Variants in LETM1 observed in about 807,000 individuals in gnomAD.
The protein encoded by LETM1 is leucine zipper and EF-hand containing transmembrane protein 1.
Under a neutral mutation model 74.5 loss-of-function variants are expected in LETM1, and 50 were observed. The ratio of observed to expected loss-of-function variants is 0.67; its 90% CI spans 0.53 to 0.85. The LOEUF (loss-of-function observed/expected upper bound fraction) is 0.85, where lower values mean the gene tolerates loss of function less well. Ranked by LOEUF, LETM1 falls within the 40% of genes least tolerant of loss-of-function variation. The pLI is 0.00. For missense variants in LETM1, 824 were observed against 967.8 expected (o/e 0.85, Z 1.97); for synonymous variants, 446 against 407.1 (o/e 1.10, Z -1.15).
chr4:1,836,710 T>C lies in LETM1; in HGVS notation c.595-138A>G, dbSNP rs747211333. On this transcript the variant is annotated intron_variant, in intron 3 of 13. Transcript: ENST00000302787. This position sits in a 1 kb window ranked among gnomAD's most constrained non-coding sequence, Gnocchi z 5.8. ...ACAGGACCCACTGAGGACTCTAAGT[T>C]CCAGAACCACTTAGCAGACCATTCC... The C allele has an allele frequency of 2.2e-5, 19 of 879,770 alleles. No homozygotes were observed. The highest frequency in any genetic ancestry group is 2.3e-4 in the Middle Eastern group (1 of 4,310). 54.5% of individuals were successfully genotyped at this position (879,770 alleles called of 1,614,324 possible).
At chr4:1,846,075 T>G (rs1210859633) in intron 2 of LETM1, among the ~76,000 whole-genome samples, 1 of 152,190 alleles carries the variant, frequency 6.6e-6, no homozygotes, top group African/African-American at 2.4e-5. Context: ...CAGGCTGGTC[T>G]TGAACTTCTG....
Position 1,814,290 on chromosome 4 carries a change from TG to T in LETM1, c.*133del. The stretch of plus-strand genomic sequence containing the variant: ...GGAATGATGAAAATTAAAATTTACT[TG>T]ATTATGGAAGTCTCTGATTTATTCC... On this transcript the variant is annotated 3_prime_UTR_variant, in exon 14 of 14. Transcript: ENST00000302787. 7.4e-7 allele frequency: 1 copy of T among 1,344,374 alleles called. No homozygotes were observed. Among genetic ancestry groups the T allele is most frequent in the Non-Finnish European group, 1.0e-6 (1 of 972,556 alleles). 83.3% of individuals were successfully genotyped at this position (1,344,374 alleles called of 1,614,324 possible). A position where few individuals can be genotyped will look rare whatever the true frequency, so the allele number is the denominator to read the frequency against.
Position 1,832,949 on chromosome 4 carries a change from T to C in LETM1, c.877-2A>G. The C allele has an allele frequency of 6.2e-7, 1 of 1,612,108 alleles. No homozygotes were observed. The highest frequency in any genetic ancestry group is 8.5e-7 in the Non-Finnish European group (1 of 1,179,896). ...GGGCCTCTCCCCTGTTTCCCGGATCTGCGGAAGTGGTCACAAGGGTCATCC... is the reference window on the plus strand; with the variant it reads ...GGGCCTCTCCCCTGTTTCCCGGATCCGCGGAAGTGGTCACAAGGGTCATCC... On this transcript the variant is annotated splice_acceptor_variant, in intron 5 of 13. Coordinates refer to ENST00000302787, the MANE Select transcript of LETM1 (RefSeq NM_012318.3). LOFTEE classifies it high-confidence loss of function.
chr4:1,818,611 T>C (rs1048211531), intron 11 of LETM1, among the ~76,000 whole-genome samples: 1 of 144,094 alleles, frequency 6.9e-6, no homozygotes, highest in African/African-American at 2.6e-5. Context: ...AGACTTCGTC[T>C]CAAAAAAAGA....
chr4:1,834,749 G>A lies in LETM1; in HGVS notation c.876+96C>T, dbSNP rs902844667. ...AACTTTCAAGCGCCAGCCAGCACCTGGGGGAGCTCCACTCTGCTGAGCACA... is the reference window on the plus strand; with the variant it reads ...AACTTTCAAGCGCCAGCCAGCACCTAGGGGAGCTCCACTCTGCTGAGCACA... On this transcript the variant is annotated intron_variant, in intron 5 of 13. Transcript: ENST00000302787. This position sits in a 1 kb window ranked among gnomAD's most constrained non-coding sequence, Gnocchi z 5.0. 4.5e-6 allele frequency: 7 copies of A among 1,550,976 alleles called. No homozygotes were observed. The highest frequency in any genetic ancestry group is 2.7e-5 in the African/African-American group (2 of 73,090).
rs201715985 is a variant in LETM1, at chr4:1,834,833, G to A, written c.876+12C>T. 25 of 1,613,914 alleles carry A rather than the reference G, an allele frequency of 1.5e-5. No homozygotes were observed. Among genetic ancestry groups the A allele is most frequent in the South Asian group, 9.9e-5 (9 of 91,074 alleles). On this transcript the variant is annotated intron_variant, in intron 5 of 13. Coordinates refer to ENST00000302787, the MANE Select transcript of LETM1 (RefSeq NM_012318.3). This position sits in a 1 kb window ranked among gnomAD's most constrained non-coding sequence, Gnocchi z 5.0. ...CTGGTGAGGTCACAGGGACTCAGACGTATCACAGCACCTTCTGGAAAAACA... is the reference window on the plus strand; with the variant it reads ...CTGGTGAGGTCACAGGGACTCAGACATATCACAGCACCTTCTGGAAAAACA...
At chr4:1,816,084 G>A (rs1711562083) in intron 12 of LETM1, among the ~76,000 whole-genome samples, 1 of 152,266 alleles carries the variant, frequency 6.6e-6, no homozygotes, top group African/African-American at 2.4e-5. Flanking sequence ...TGGCTGCTGG[G>A]CTGTTGTCCT....
At chr4:1,844,178 A>G (rs1004576150) in intron 2 of LETM1, among the ~76,000 whole-genome samples, 12 of 152,218 alleles carry the variant, frequency 7.9e-5, no homozygotes, top group African/African-American at 2.7e-4. Context: ...AGTTGGGCAC[A>G]CCTGCAGGGG....
chr4:1,829,328 C>T (rs1488798777), intron 6 of LETM1, among the ~76,000 whole-genome samples: 5 of 147,664 alleles, frequency 3.4e-5, no homozygotes, highest in Admixed American at 1.3e-4. Context: ...CCAGACGGGG[C>T]GGCTGGCCAG....
intron 1 of LETM1, among the ~76,000 whole-genome samples, chr4:1,850,674 A>G (rs1439803246): frequency 1.3e-5 from 2 of 150,484 alleles, no homozygotes; most frequent in East Asian, 1.9e-4. Flanking sequence ...AAGAATTACT[A>G]GAACCACAGG....
chr4:1,842,817 G>A (rs1712749386), intron 2 of LETM1, among the ~76,000 whole-genome samples: 2 of 152,224 alleles, frequency 1.3e-5, no homozygotes, highest in African/African-American at 4.8e-5. Context: ...AGAACCTATG[G>A]TTTGTGTGCA....
Position 1,835,001 on chromosome 4 carries a change from C to T in LETM1, c.739-19G>A. On this transcript the variant is annotated intron_variant, in intron 4 of 13. Coordinates refer to ENST00000302787, the MANE Select transcript of LETM1 (RefSeq NM_012318.3). Reference sequence around the variant, plus strand: ...TCTCCTCCTGCAAGGGCAGAGAGGGCACTGCATTCCAACTGCTCAGACTGT... The same window carrying T: ...TCTCCTCCTGCAAGGGCAGAGAGGGTACTGCATTCCAACTGCTCAGACTGT... The T allele has an allele frequency of 6.2e-7, 1 of 1,611,600 alleles. No individual in the cohort carries two copies. The highest frequency in any genetic ancestry group is 8.5e-7 in the Non-Finnish European group (1 of 1,178,660).
intron 9 of LETM1, 196 bp downstream of exon 9, chr4:1,822,792 C>T (rs779297136): frequency 2.8e-4 from 124 of 443,592 alleles, no homozygotes; most frequent in Middle Eastern, 5.8e-4. Context: ...CTGTGGCCAT[C>T]GGGGAGTCCC....
In LETM1 at chr4:1,834,061, G is replaced by C. The variant is rs977533153; in HGVS notation, c.876+784C>G. ...CCATGGCTGTGTCGCCTCCTCCCGA[G>C]AGGCTTCTCCGTGGTTAGGCCTCAG... On this transcript the variant is annotated intron_variant, in intron 5 of 13. Coordinates refer to ENST00000302787, the MANE Select transcript of LETM1 (RefSeq NM_012318.3). This position sits in a 1 kb window ranked among gnomAD's most constrained non-coding sequence, Gnocchi z 5.0. The C allele has an allele frequency of 1.3e-5, 2 of 152,326 alleles. No individual in the cohort carries two copies. Among genetic ancestry groups the C allele is most frequent in the Non-Finnish European group, 2.9e-5 (2 of 68,102 alleles). The allele number at this position is 152,326 out of a possible 1,614,324, so 9.4% of individuals were successfully genotyped here. A position where few individuals can be genotyped will look rare whatever the true frequency, so the allele number is the denominator to read the frequency against.
chr4:1,822,319 G>A lies in LETM1; in HGVS notation c.1477-7C>T. 6.7e-7 allele frequency: 1 copy of A among 1,487,520 alleles called. No homozygotes were observed. The highest frequency in any genetic ancestry group is 9.0e-7 in the Non-Finnish European group (1 of 1,109,698). 92.1% of individuals were successfully genotyped at this position (1,487,520 alleles called of 1,614,324 possible). A position where few individuals can be genotyped will look rare whatever the true frequency, so the allele number is the denominator to read the frequency against. ...GTTCGGGCTCAAAATCCTTCTGAAA[G>A]GCAAGGCGACACCAGCCCAGCGCCC... On this transcript the variant is annotated splice_region_variant and splice_polypyrimidine_tract_variant and intron_variant, in intron 9 of 13. Coordinates refer to ENST00000302787, the MANE Select transcript of LETM1 (RefSeq NM_012318.3).
intron 6 of LETM1, among the ~76,000 whole-genome samples, chr4:1,827,867 G>T (rs1353945452): frequency 2.0e-5 from 3 of 147,702 alleles, no homozygotes; most frequent in African/African-American, 8.0e-5. Context: ...AGGGGCGGCC[G>T]GGCAGAGGCG....
chr4:1,816,789 G>C lies in LETM1; in HGVS notation c.1869C>G (p.Ile623Met). The change falls in exon 12 of 14, where the codon ATC becomes ATG. Residue 623 changes from isoleucine to methionine, a missense_variant. Physicochemically the swap from Ile to Met is conservative, Grantham distance 10 (BLOSUM62 1). Around this residue, in one of 4 missense-constraint regions of LETM1, gnomAD observed 161 missense variants for 252.7 expected, o/e 0.64. Transcript: ENST00000302787. ...CCTGCTGGTCCATCTCCAGCTGCGA[G>C]ATCAAGCCATCGATCTGCCCGATCA... is the stretch of plus-strand genomic sequence containing the variant. ...QQMIGQIDGL[I>M]SQLEMDQQAG... The C allele has an allele frequency of 1.2e-6, 2 of 1,614,250 alleles. No homozygotes were observed. Among genetic ancestry groups the C allele is most frequent in the Non-Finnish European group, 8.5e-7 (1 of 1,180,036 alleles).
At chr4:1,823,163 C>A in intron 8 of LETM1, 32 bp from the exon 9 acceptor site, 1 of 1,538,766 alleles carries the variant, frequency 6.5e-7, no homozygotes, top group South Asian at 1.2e-5. Flanking sequence ...TGGGTGAGCC[C>A]AGAAGCCACC....
chr4:1,844,419 C>T (rs1235344983), intron 2 of LETM1, among the ~76,000 whole-genome samples: 1 of 152,160 alleles, frequency 6.6e-6, no homozygotes, highest in Non-Finnish European at 1.5e-5. Context: ...TACATAATGT[C>T]CACGATGTTC....
Sources: gnomAD v4.1 joint callset for allele counts (sites outside exome capture counted in the v4.1 genomes callset) on GRCh38, gnomAD v4.1.1 for gene constraint, gnomAD v4.1.1 regional missense constraint, Gnocchi (gnomAD v3.1) non-coding constraint, MANE v1.5 for transcripts, NCBI Gene and HGNC (gene_info 2026-07-23, HGNC 2026-07-21) for gene names.